The following FNIP2 variants were observed in gnomAD, a reference collection of about 807,000 sequenced individuals.
FNIP2 encodes the protein folliculin interacting protein 2.
In FNIP2, 32 loss-of-function variants were observed where a neutral mutation model predicts 108.7. The observed-to-expected ratio is 0.29, with a 90% confidence interval of 0.22 to 0.40. The LOEUF (loss-of-function observed/expected upper bound fraction) is 0.40. Among genes scored for constraint, FNIP2 ranks in the 10% least tolerant of loss-of-function variants. FNIP2 has a pLI of 1.00. For missense variants in FNIP2, 1,202 were observed against 1,381.6 expected (o/e 0.87, Z 2.06); for synonymous variants, 480 against 496.7 (o/e 0.97, Z 0.45).
chr4:158,872,122 G>A lies in FNIP2; in HGVS notation c.2949+1653G>A, dbSNP rs899749754. ...CTGACAGAGGTACCAAGAGACTACA[G>A]GGGAACTAATGGGATTGTCCTCAGT... On this transcript the variant is annotated intron_variant, in intron 14 of 16. Coordinates refer to ENST00000264433, the MANE Select transcript of FNIP2 (RefSeq NM_020840.3). 5.1e-6 allele frequency: 5 copies of A among 985,224 alleles called. No individual in the cohort carries two copies. In the Admixed American group the frequency reaches 2.5e-4, roughly 48 times the overall value. The allele number at this position is 985,224 out of a possible 1,614,324, so 61.0% of individuals were successfully genotyped here. A position where few individuals can be genotyped will look rare whatever the true frequency, so the allele number is the denominator to read the frequency against.
intron 1 of FNIP2, among the ~76,000 whole-genome samples, chr4:158,816,166 C>G (rs1777556830): frequency 6.6e-6 from 1 of 152,080 alleles, no homozygotes; most frequent in South Asian, 2.1e-4. Context: ...TTGGTTCTTT[C>G]ATCTTGCAAA....
intron 14 of FNIP2, among the ~76,000 whole-genome samples, chr4:158,882,256 C>A (rs1231982483): frequency 6.7e-6 from 1 of 149,886 alleles, no homozygotes; most frequent in Non-Finnish European, 1.5e-5. Context: ...AAGTGAGGAG[C>A]CCCTCCGCCT....
intron 1 of FNIP2, among the ~76,000 whole-genome samples, chr4:158,793,697 T>A (rs927785013): frequency 2.6e-5 from 4 of 152,134 alleles, no homozygotes; most frequent in African/African-American, 9.7e-5. Flanking sequence ...TTCCTCTCAG[T>A]TCTGTTTGCA....
rs753927228 is a variant in FNIP2, at chr4:158,868,587, G to A, written c.1951G>A (p.Asp651Asn). The change falls in exon 13 of 17, where the codon GAT becomes AAT. Residue 651 changes from aspartate to asparagine, a missense_variant. By Grantham distance (23) the Asp-to-Asn change is conservative. This residue lies in a region of FNIP2 where 878 missense variants were observed against 990.3 expected (regional missense o/e 0.89). Transcript: ENST00000264433. The surrounding 1 kb of genome is among the most constrained non-coding windows in gnomAD (Gnocchi z 4.6). Reference protein sequence around the residue: ...SWKPQNAFCGDEKNKEAPQDG... With the variant: ...SWKPQNAFCGNEKNKEAPQDG... ...GAAACCTCAGAATGCATTTTGTGGGGATGAGAAAAATAAAGAGGCACCGCA... is the reference window on the plus strand; with the variant it reads ...GAAACCTCAGAATGCATTTTGTGGGAATGAGAAAAATAAAGAGGCACCGCA... The A allele has an allele frequency of 1.9e-6, 3 of 1,613,524 alleles. No individual in the cohort carries two copies. Among genetic ancestry groups the A allele is most frequent in the Admixed American group, 1.7e-5 (1 of 59,900 alleles).
chr4:158,889,982 G>C (rs1372943625), intron 14 of FNIP2: 1 of 985,244 alleles, frequency 1.0e-6, no homozygotes, highest in African/African-American at 1.7e-5. Context: ...TGTAAGAAGC[G>C]TAGGGGTGAA....
intron 14 of FNIP2, among the ~76,000 whole-genome samples, chr4:158,879,333 T>A (rs1191210136): frequency 1.3e-5 from 2 of 150,354 alleles, no homozygotes; most frequent in Admixed American, 1.3e-4. Flanking sequence ...GTGAAAATAG[T>A]GTGGTCAAGT....
rs1330346690 is a variant in FNIP2 at position 158,885,436 on chromosome 4, AT to A, written c.2950-6006del. Among the ~76,000 whole-genome samples the A allele has an allele frequency of 2.0e-5, 3 of 152,312 alleles. No individual in the cohort carries two copies. The South Asian group carries it at 6.2e-4, about 32-fold the overall frequency. ...GTTTGGGTGATGTGTGCTAGCGTAG[AT>A]TTTAGAGTTGGTGAAGGAAATGATC... On this transcript the variant is annotated intron_variant, in intron 14 of 16. Transcript: ENST00000264433.
intron 6 of FNIP2, 155 bp from the exon 7 acceptor site, chr4:158,835,250 T>A (rs1778735371): frequency 2.4e-6 from 1 of 410,846 alleles, no homozygotes; most frequent in Non-Finnish European, 4.5e-6. Flanking sequence ...TCTTTTTATA[T>A]ATTTAATTTT....
chr4:158,882,708 T>A (rs1270378967), intron 14 of FNIP2, among the ~76,000 whole-genome samples: 1 of 152,296 alleles, frequency 6.6e-6, no homozygotes, highest in East Asian at 1.9e-4. Context: ...CCCAACCGGG[T>A]GCTCTCTGAA....
rs749279300 is a variant in FNIP2 at position 158,869,276 on chromosome 4, C to A, written c.2640C>A (p.Asn880Lys). ...IPCGDDNKKA[N>K]FRTEGDIPRN... The stretch of plus-strand genomic sequence containing the variant: ...GTGGGGATGACAACAAGAAGGCCAA[C>A]TTCAGGACTGAAGGAGACATTCCCC... Residue 880 changes from asparagine to lysine, a missense_variant, in exon 13 of 17, where the codon AAC (asparagine) becomes AAA (lysine). By Grantham distance (94) the Asn-to-Lys change is moderately conservative (BLOSUM62 0). Coordinates refer to ENST00000264433, the MANE Select transcript of FNIP2 (RefSeq NM_020840.3). 27 of 1,613,914 alleles carry A rather than the reference C, an allele frequency of 1.7e-5. No individual in the cohort carries two copies. Among genetic ancestry groups the A allele is most frequent in the Non-Finnish European group, 2.2e-5 (26 of 1,179,894 alleles).
At chr4:158,821,503 G>A (rs1560776898) in intron 1 of FNIP2, among the ~76,000 whole-genome samples, 1 of 152,240 alleles carries the variant, frequency 6.6e-6, no homozygotes, top group South Asian at 2.1e-4. Flanking sequence ...GTAACTGTTG[G>A]TTGAATGTAG....
At chr4:158,792,407 C>CT (rs1267545029) in intron 1 of FNIP2, among the ~76,000 whole-genome samples, 6 of 144,934 alleles carry the variant, frequency 4.1e-5, no homozygotes, top group Non-Finnish European at 9.0e-5. Context: ...TTGGTAATGT[C>CT]ACTCTTTAGC....
chr4:158,824,477 T>C (rs1578869488), intron 1 of FNIP2, among the ~76,000 whole-genome samples: 1 of 152,176 alleles, frequency 6.6e-6, no homozygotes, highest in African/African-American at 2.4e-5. Context: ...CTCCAGTCCA[T>C]TGGGAAACCG....
intron 16 of FNIP2, among the ~76,000 whole-genome samples, chr4:158,898,775 T>A (rs921298032): frequency 6.6e-6 from 1 of 152,252 alleles, no homozygotes; most frequent in African/African-American, 2.4e-5. Flanking sequence ...TCATGTCATC[T>A]GCAAACAGAG....
Position 158,868,841 on chromosome 4 carries a change from G to T in FNIP2, c.2205G>T (p.Met735Ile), listed in dbSNP as rs969900352. ...CAGAGTCTGACTTTGAAAGCCGCATGAAAAAAATGGAGGAACGGGTGAAGG... is the reference window on the plus strand; with the variant it reads ...CAGAGTCTGACTTTGAAAGCCGCATTAAAAAAATGGAGGAACGGGTGAAGG... ...ASPESDFESR[M>I]KKMEERVKAC... Residue 735 changes from methionine to isoleucine, a missense_variant, in exon 13 of 17, where the codon ATG (methionine) becomes ATT (isoleucine). By Grantham distance (10) the Met-to-Ile change is conservative. Transcript: ENST00000264433. The surrounding 1 kb of genome is among the most constrained non-coding windows in gnomAD (Gnocchi z 4.6). The T allele has an allele frequency of 4.3e-6, 7 of 1,613,626 alleles. No individual in the cohort carries two copies. The highest frequency in any genetic ancestry group is 5.9e-6 in the Non-Finnish European group (7 of 1,179,882).
At chr4:158,885,464 TGTG>T (rs1470828591) in intron 14 of FNIP2, among the ~76,000 whole-genome samples, 1 of 152,132 alleles carries the variant, frequency 6.6e-6, no homozygotes, top group Non-Finnish European at 1.5e-5. Flanking sequence ...GAAATGATCA[TGTG>T]GTATTTTAAG....
At chr4:158,852,404 G>A (rs1410726651) in intron 8 of FNIP2, among the ~76,000 whole-genome samples, 1 of 152,144 alleles carries the variant, frequency 6.6e-6, no homozygotes, top group Non-Finnish European at 1.5e-5. Context: ...TTATAGCTTT[G>A]TCACCCATCA....
chr4:158,876,304 C>G (rs1781281018), intron 14 of FNIP2, among the ~76,000 whole-genome samples: 1 of 152,220 alleles, frequency 6.6e-6, no homozygotes, highest in African/African-American at 2.4e-5. Context: ...ATGAGACAAT[C>G]ATTTACTCTT....
chr4:158,884,118 G>T (rs541541180), intron 14 of FNIP2, among the ~76,000 whole-genome samples: 1 of 152,010 alleles, frequency 6.6e-6, no homozygotes, highest in Non-Finnish European at 1.5e-5. Context: ...AGATAATCAC[G>T]TGAAATACTA....
Sources: gnomAD v4.1 joint callset for allele counts (sites outside exome capture counted in the v4.1 genomes callset) on GRCh38, gnomAD v4.1.1 for gene constraint, gnomAD v4.1.1 regional missense constraint, Gnocchi (gnomAD v3.1) non-coding constraint, MANE v1.5 for transcripts, NCBI Gene and HGNC (gene_info 2026-07-23, HGNC 2026-07-21) for gene names.